PTPRN2: variants seen among roughly 807,000 people sequenced by gnomAD.
The protein encoded by PTPRN2 is protein tyrosine phosphatase receptor type N2.
In PTPRN2, 74 loss-of-function variants were observed where a neutral mutation model predicts 118.8. That is an observed-to-expected ratio of 0.62 (90% CI 0.52 to 0.76). The LOEUF (loss-of-function observed/expected upper bound fraction) is 0.76. Ranked by LOEUF, PTPRN2 falls within the 30% of genes least tolerant of loss-of-function variation. The pLI is 0.00. For synonymous variants in PTPRN2, 641 were observed against 608.0 expected (o/e 1.05, Z -0.80); for missense variants, 1,481 against 1,394.4 (o/e 1.06, Z -0.99).
intron 12 of PTPRN2, among the ~76,000 whole-genome samples, chr7:157,886,259 A>C (rs971328602): frequency 5.3e-5 from 8 of 152,168 alleles, no homozygotes; most frequent in Non-Finnish European, 1.0e-4. Context: ...TCAGCGGGAG[A>C]CATCACCAAG....
chr7:157,975,450 G>A (rs1802672682), intron 11 of PTPRN2, among the ~76,000 whole-genome samples: 1 of 152,058 alleles, frequency 6.6e-6, no homozygotes, highest in African/African-American at 2.4e-5. Flanking sequence ...TGCTCTCCTG[G>A]GTCAGGCACC....
intron 13 of PTPRN2, among the ~76,000 whole-genome samples, chr7:157,682,229 C>G (rs978396004): frequency 2.0e-5 from 3 of 152,086 alleles, no homozygotes; most frequent in Admixed American, 2.0e-4. Flanking sequence ...CATGGGGACG[C>G]GTGTGGGTCA....
intron 11 of PTPRN2, chr7:158,027,964 C>G (rs1184239154): frequency 6.6e-6 from 1 of 152,190 alleles, no homozygotes; most frequent in Non-Finnish European, 1.5e-5. Flanking sequence ...TAAACAGCAT[C>G]AAAAGCCTTC....
At position 157,540,250 on chromosome 7, in the gene PTPRN2, T is replaced by A. The variant is rs1408985712; in HGVS notation, c.*464A>T. On this transcript the variant is annotated 3_prime_UTR_variant, in exon 23 of 23. Transcript: ENST00000389418. ...TGCGGCTTCTCCCAATGATAAACTCTCTCAAAGAGAAATGCCAAACGTGCC... is the reference window on the plus strand; with the variant it reads ...TGCGGCTTCTCCCAATGATAAACTCACTCAAAGAGAAATGCCAAACGTGCC... 3 of 153,364 alleles carry A rather than the reference T, an allele frequency of 2.0e-5. No individual in the cohort carries two copies. The highest frequency in any genetic ancestry group is 2.9e-5 in the Non-Finnish European group (2 of 68,904). The allele number at this position is 153,364 out of a possible 1,614,324, so 9.5% of individuals were successfully genotyped here. A position where few individuals can be genotyped will look rare whatever the true frequency, so the allele number is the denominator to read the frequency against.
chr7:157,686,202 C>T (rs1251189779), intron 12 of PTPRN2, among the ~76,000 whole-genome samples: 1 of 152,202 alleles, frequency 6.6e-6, no homozygotes, highest in Non-Finnish European at 1.5e-5. Flanking sequence ...TACCCGCCCG[C>T]GGGCGCCGCA....
intron 2 of PTPRN2, among the ~76,000 whole-genome samples, chr7:158,376,989 T>C (rs566344720): frequency 1.2e-3 from 142 of 123,074 alleles, no homozygotes; most frequent in Non-Finnish European, 2.0e-3. Flanking sequence ...GTCAGGGGAC[T>C]CTCCCACAGC....
chr7:158,483,478 A>G (rs186181996), intron 2 of PTPRN2, among the ~76,000 whole-genome samples: 1 of 152,324 alleles, frequency 6.6e-6, no homozygotes, highest in Non-Finnish European at 1.5e-5. Context: ...GGATTTGAAT[A>G]TTCTAAAGTC....
chr7:157,984,807 A>G (rs980623919), intron 11 of PTPRN2, among the ~76,000 whole-genome samples: 1 of 152,174 alleles, frequency 6.6e-6, no homozygotes, highest in Admixed American at 6.5e-5. Context: ...CCCTAGTCAC[A>G]GGACGTGGCG....
intron 14 of PTPRN2, among the ~76,000 whole-genome samples, chr7:157,651,060 G>C (rs986785988): frequency 2.0e-5 from 3 of 152,218 alleles, no homozygotes; most frequent in African/African-American, 7.2e-5. Context: ...GCACAGACAC[G>C]CATCACGCGT....
chr7:157,791,128 C>T (rs571754396), intron 12 of PTPRN2, among the ~76,000 whole-genome samples: 10 of 152,300 alleles, frequency 6.6e-5, no homozygotes, highest in African/African-American at 2.4e-4. Context: ...TGAGAACAGT[C>T]ACTCTGGCAT....
At chr7:157,836,846 T>TCATCCATC (rs879515678) in intron 12 of PTPRN2, among the ~76,000 whole-genome samples, 2 of 151,848 alleles carry the variant, frequency 1.3e-5, no homozygotes, top group Non-Finnish European at 1.5e-5. Context: ...GTGTGTCCAT[T>TCATCCATC]CATCCATCCA....
At position 157,729,915 on chromosome 7, in the gene PTPRN2, C is replaced by T. The variant is rs368477579; in HGVS notation, c.1789-46978G>A. On this transcript the variant is annotated intron_variant, in intron 12 of 22. Coordinates refer to ENST00000389418, the MANE Select transcript of PTPRN2 (RefSeq NM_002847.5). This position sits in a 1 kb window ranked among gnomAD's most constrained non-coding sequence, Gnocchi z 4.3. The stretch of plus-strand genomic sequence containing the variant: ...TCCACGTGTGTCTGTGAGTGTGACT[C>T]GGAGGAGTCCAGCATTGGATTCAGT... 1.3e-4 allele frequency among the ~76,000 whole-genome samples: 20 copies of T among 152,234 alleles called. No individual in the cohort carries two copies. Among genetic ancestry groups the T allele is most frequent in the East Asian group, 3.9e-4 (2 of 5,172 alleles).
At chr7:157,613,424 C>T (rs1802517311) in intron 15 of PTPRN2, among the ~76,000 whole-genome samples, 2 of 152,350 alleles carry the variant, frequency 1.3e-5, no homozygotes, top group Admixed American at 6.5e-5. Context: ...GTCGCGCAGC[C>T]TCAGCGTGTT....
chr7:158,434,462 C>T (rs1283298215), intron 2 of PTPRN2, among the ~76,000 whole-genome samples: 1 of 152,090 alleles, frequency 6.6e-6, no homozygotes, highest in Non-Finnish European at 1.5e-5. Flanking sequence ...TTAACATCTA[C>T]TTTGTATATT....
At chr7:158,278,376 G>GA (rs1170877485) in intron 3 of PTPRN2, among the ~76,000 whole-genome samples, 1 of 147,014 alleles carries the variant, frequency 6.8e-6, no homozygotes, top group Non-Finnish European at 1.5e-5. Context: ...AGCTGGACGT[G>GA]AAGGTGGGCA....
rs545415175 is a variant in PTPRN2 at position 158,208,189 on chromosome 7, C to T, written c.278-2916G>A. ...AAAAAGACAAATCTAAGATTTATCACCCTTAAAGAGGAGGGAGAGAGAGAA... is the reference window on the plus strand; with the variant it reads ...AAAAAGACAAATCTAAGATTTATCATCCTTAAAGAGGAGGGAGAGAGAGAA... On this transcript the variant is annotated intron_variant, in intron 3 of 22. Coordinates refer to ENST00000389418, the MANE Select transcript of PTPRN2 (RefSeq NM_002847.5). Among the ~76,000 whole-genome samples the T allele has an allele frequency of 4.3e-4, 66 of 152,094 alleles. 1 individual carries two copies. The South Asian group carries it at 0.013, about 29-fold the overall frequency.
At chr7:157,597,029 C>T (rs112719777) in intron 16 of PTPRN2, among the ~76,000 whole-genome samples, 21 of 152,260 alleles carry the variant, frequency 1.4e-4, no homozygotes, top group African/African-American at 4.6e-4. Flanking sequence ...AGTGAGTCCC[C>T]GTGCAGCCGT....
At chr7:158,075,711 C>A (rs1234794420) in intron 11 of PTPRN2, among the ~76,000 whole-genome samples, 2 of 152,244 alleles carry the variant, frequency 1.3e-5, no homozygotes, top group Admixed American at 1.3e-4. Context: ...GAGCGTGGTG[C>A]TTCCCTCTGA....
chr7:157,634,591 A>G (rs1429330921), intron 14 of PTPRN2, among the ~76,000 whole-genome samples: 1 of 152,316 alleles, frequency 6.6e-6, no homozygotes. Flanking sequence ...TGCGTTGTCA[A>G]TGCATCGCGA....
Sources: gnomAD v4.1 joint callset for allele counts (sites outside exome capture counted in the v4.1 genomes callset) on GRCh38, gnomAD v4.1.1 for gene constraint, Gnocchi (gnomAD v3.1) non-coding constraint, MANE v1.5 for transcripts, NCBI Gene and HGNC (gene_info 2026-07-23, HGNC 2026-07-21) for gene names.